The following CACNG2 variants were observed in gnomAD, a reference collection of about 807,000 sequenced individuals.
The protein encoded by CACNG2 is voltage-dependent calcium channel gamma-2 subunit.
In CACNG2, 3 loss-of-function variants were observed where a neutral mutation model predicts 25.9. The ratio of observed to expected loss-of-function variants is 0.12; its 90% CI spans 0.05 to 0.30. The LOEUF (loss-of-function observed/expected upper bound fraction) is 0.30, where lower values mean the gene tolerates loss of function less well. CACNG2 is among the 10% of genes least tolerant of loss of function. The pLI is 1.00. For synonymous variants in CACNG2, 167 were observed against 173.3 expected (o/e 0.96, Z 0.29); for missense variants, 341 against 432.5 (o/e 0.79, Z 1.88).
rs117525661 is a variant in CACNG2 at position 36,570,382 on chromosome 22, G to A, written c.296-3889C>T. Among the ~76,000 whole-genome samples, 1,252 of 152,298 alleles carry A rather than the reference G, an allele frequency of 8.2e-3. 7 individuals carry two copies. The highest frequency in any genetic ancestry group is 0.048 in the Middle Eastern group (14 of 294). ...CATGCTCTAAATAATGACCACCAGC[G>A]GGGAATACAAACAGAAGCCTCTTCG... is the stretch of plus-strand genomic sequence containing the variant. On this transcript the variant is annotated intron_variant, in intron 2 of 3. Transcript: ENST00000300105.
intron 1 of CACNG2, among the ~76,000 whole-genome samples, chr22:36,670,724 C>T (rs1023898943): frequency 1.3e-5 from 2 of 150,674 alleles, no homozygotes; most frequent in South Asian, 2.1e-4. Context: ...CTCAACCTCC[C>T]GGGCTCAAGC....
chr22:36,676,632 C>G (rs1446810016), intron 1 of CACNG2, among the ~76,000 whole-genome samples: 1 of 152,220 alleles, frequency 6.6e-6, no homozygotes, highest in Admixed American at 6.5e-5. Context: ...CGAGGCTCAA[C>G]TTGCTACAGC....
Position 36,685,969 on chromosome 22 carries a change from G to A in CACNG2, c.211+16397C>T, listed in dbSNP as rs532797415. ...CTTGAGGTGTGCCAGGCACTGTGCC[G>A]GACAGCCGGTCACAGAGGTAAATGT... On this transcript the variant is annotated intron_variant, in intron 1 of 3. Transcript: ENST00000300105. Among the ~76,000 whole-genome samples, 8 of 152,242 alleles carry A rather than the reference G, an allele frequency of 5.3e-5. No individual in the cohort carries two copies. In the South Asian group the frequency reaches 6.2e-4, roughly 12 times the overall value.
intron 1 of CACNG2, among the ~76,000 whole-genome samples, chr22:36,691,223 G>C (rs1449890505): frequency 1.3e-5 from 2 of 152,216 alleles, no homozygotes; most frequent in African/African-American, 2.4e-5. Flanking sequence ...AGCAGGGTGG[G>C]AGGCAGCAGA....
intron 1 of CACNG2, among the ~76,000 whole-genome samples, chr22:36,693,681 T>C (rs566653071): frequency 1.3e-5 from 2 of 152,314 alleles, no homozygotes; most frequent in African/African-American, 4.8e-5. Context: ...CTACCTTCCA[T>C]GGGACCATTG....
At chr22:36,620,994 T>C (rs1936096124) in intron 1 of CACNG2, among the ~76,000 whole-genome samples, 1 of 152,226 alleles carries the variant, frequency 6.6e-6, no homozygotes, top group Admixed American at 6.5e-5. Flanking sequence ...TCCAAGTCTG[T>C]CTGTTCTGGT....
intron 1 of CACNG2, among the ~76,000 whole-genome samples, chr22:36,664,132 T>G (rs546752340): frequency 4.6e-5 from 7 of 151,204 alleles, no homozygotes; most frequent in Non-Finnish European, 1.0e-4. Context: ...CTAATTCCAC[T>G]GACTTAGTGA....
intron 2 of CACNG2, among the ~76,000 whole-genome samples, chr22:36,572,200 T>C (rs1299422167): frequency 6.6e-6 from 1 of 152,218 alleles, no homozygotes; most frequent in Non-Finnish European, 1.5e-5. Flanking sequence ...CCAGGCCTTG[T>C]TCTAAGAGCG....
intron 1 of CACNG2, among the ~76,000 whole-genome samples, chr22:36,622,000 G>T (rs914602721): frequency 6.6e-6 from 1 of 152,166 alleles, no homozygotes; most frequent in Admixed American, 6.5e-5. Context: ...CCTATGTGCC[G>T]CTCACTCTGC....
chr22:36,680,583 T>C (rs552883415), intron 1 of CACNG2, among the ~76,000 whole-genome samples: 176 of 140,488 alleles, frequency 1.3e-3, no homozygotes, highest in Non-Finnish European at 3.6e-4. Flanking sequence ...ACCTTCATGA[T>C]CACCACCACC....
At chr22:36,620,660 G>A (rs1936092534) in intron 1 of CACNG2, among the ~76,000 whole-genome samples, 1 of 152,132 alleles carries the variant, frequency 6.6e-6, no homozygotes, top group Non-Finnish European at 1.5e-5. Flanking sequence ...CTGTAAAATG[G>A]TGCTAGTGGT....
intron 1 of CACNG2, among the ~76,000 whole-genome samples, chr22:36,607,906 T>C (rs990316561): frequency 3.3e-5 from 5 of 152,204 alleles, no homozygotes; most frequent in African/African-American, 1.2e-4. Flanking sequence ...CATTTCACTC[T>C]GGACAGCAGA....
chr22:36,565,030 T>C lies in CACNG2; in HGVS notation c.437-144A>G, dbSNP rs944455604. 74 of 704,102 alleles carry C rather than the reference T, an allele frequency of 1.1e-4. No homozygotes were observed. In the South Asian group the frequency reaches 1.2e-3, roughly 11 times the overall value. 43.6% of individuals were successfully genotyped at this position (704,102 alleles called of 1,614,324 possible). ...GCGCCTTCATGAACAGGTGGGGCGG[T>C]GTAGATGGACATCCGCAAGCTTCCC... On this transcript the variant is annotated intron_variant, in intron 3 of 3. Coordinates refer to ENST00000300105, the MANE Select transcript of CACNG2 (RefSeq NM_006078.5).
chr22:36,702,684 AC>A lies in CACNG2; in HGVS notation c.-109del, dbSNP rs2146024641. Reference sequence around the variant, plus strand: ...AATAAATAAAAATAAAAATTATTCCACTACTAATATAATGGATATATGTATG... The same window carrying A: ...AATAAATAAAAATAAAAATTATTCCATACTAATATAATGGATATATGTATG... On this transcript the variant is annotated 5_prime_UTR_variant, in exon 1 of 4. The change creates a new upstream start codon in the 5' untranslated region. Coordinates refer to ENST00000300105, the MANE Select transcript of CACNG2 (RefSeq NM_006078.5). 5.2e-6 allele frequency: 4 copies of A among 769,176 alleles called. No homozygotes were observed. The highest frequency in any genetic ancestry group is 1.7e-5 in the African/African-American group (1 of 57,800). 47.6% of individuals were successfully genotyped at this position (769,176 alleles called of 1,614,324 possible).
At chr22:36,642,818 G>A (rs539240438) in intron 1 of CACNG2, among the ~76,000 whole-genome samples, 67 of 152,192 alleles carry the variant, frequency 4.4e-4, no homozygotes, top group Non-Finnish European at 5.6e-4. Flanking sequence ...ACCCAGCACC[G>A]ATGCAAAGCT....
At chr22:36,694,242 T>C (rs1274358561) in intron 1 of CACNG2, among the ~76,000 whole-genome samples, 1 of 152,224 alleles carries the variant, frequency 6.6e-6, no homozygotes, top group East Asian at 1.9e-4. Flanking sequence ...AGAGTGTATT[T>C]TATAATTAAT....
Position 36,703,483 on chromosome 22 carries a change from C to G in CACNG2, c.-907G>C, listed in dbSNP as rs1250738288. 3 of 152,520 alleles carry G rather than the reference C, an allele frequency of 2.0e-5. No individual in the cohort carries two copies. The East Asian group carries it at 5.8e-4, about 30-fold the overall frequency. The allele number at this position is 152,520 out of a possible 1,614,324, so 9.4% of individuals were successfully genotyped here. On this transcript the variant is annotated 5_prime_UTR_variant, in exon 1 of 4. Coordinates refer to ENST00000300105, the MANE Select transcript of CACNG2 (RefSeq NM_006078.5). Reference sequence around the variant, plus strand: ...CCGCGCGCCTGCCCCCCACTCGCTACCGGCTGGGCGCCCGCGGAGGCGCTC... The same window carrying G: ...CCGCGCGCCTGCCCCCCACTCGCTAGCGGCTGGGCGCCCGCGGAGGCGCTC...
intron 1 of CACNG2, among the ~76,000 whole-genome samples, chr22:36,672,093 G>A (rs1280331015): frequency 6.6e-6 from 1 of 152,108 alleles, no homozygotes. Context: ...TTGGTGTGCT[G>A]GGGTTGCTAT....
intron 1 of CACNG2, among the ~76,000 whole-genome samples, chr22:36,587,782 G>A (rs1935528382): frequency 6.6e-6 from 1 of 152,236 alleles, no homozygotes; most frequent in South Asian, 2.1e-4. Flanking sequence ...GCTGCCTTCT[G>A]TCCCTGCACT....
Sources: gnomAD v4.1 joint callset for allele counts (sites outside exome capture counted in the v4.1 genomes callset) on GRCh38, gnomAD v4.1.1 for gene constraint, MANE v1.5 for transcripts, NCBI Gene and HGNC (gene_info 2026-07-23, HGNC 2026-07-21) for gene names.